Variants in PLAAT2 observed in about 807,000 individuals in gnomAD.
The protein encoded by PLAAT2 is phospholipase A and acyltransferase 2, also known as HRAS like suppressor 2.
In PLAAT2, 12 loss-of-function variants were observed where a neutral mutation model predicts 12.8. The observed-to-expected ratio is 0.94, with a 90% confidence interval of 0.60 to 1.52. PLAAT2 has a LOEUF of 1.52. Ranked by LOEUF, PLAAT2 falls within the 40% of genes most tolerant of loss-of-function variation. The pLI is 0.00. For synonymous variants in PLAAT2, 79 were observed against 86.8 expected, an observed-to-expected ratio of 0.91 and a Z score of 0.50; for missense variants, 166 against 208.1, an observed-to-expected ratio of 0.80 and a Z score of 1.24.
Position 63,553,487 on chromosome 11 carries a change from C to CAA in PLAAT2, c.388-424_388-423dup, listed in dbSNP as rs113567936. 4.7e-4 allele frequency among the ~76,000 whole-genome samples: 59 copies of CAA among 125,866 alleles called. No homozygotes were observed. The East Asian group carries it at 7.6e-3, about 16-fold the overall frequency. 82.6% of individuals were successfully genotyped at this position (125,866 alleles called of 152,430 possible). ...AGACCCCCATCTCTACAAAAAAATA[C>CAA]AAAAAAAAAAAAACAGCTGAGTCCA... On this transcript the variant is annotated intron_variant, in intron 3 of 3. Coordinates refer to ENST00000255695, the MANE Select transcript of PLAAT2 (RefSeq NM_017878.2).
chr11:63,553,288 C>T (rs1008749493), intron 3 of PLAAT2, among the ~76,000 whole-genome samples: 2 of 152,044 alleles, frequency 1.3e-5, no homozygotes, highest in African/African-American at 4.8e-5. Flanking sequence ...AAGAATGAAG[C>T]CATAGGCGTG....
At chr11:63,555,590 G>A (rs2017459752) in intron 3 of PLAAT2, among the ~76,000 whole-genome samples, 1 of 152,176 alleles carries the variant, frequency 6.6e-6, no homozygotes, top group Admixed American at 6.5e-5. Context: ...TACTCAGGAG[G>A]CTGAGGTGGG....
At chr11:63,555,036 G>A (rs1040568576) in intron 3 of PLAAT2, among the ~76,000 whole-genome samples, 1 of 152,184 alleles carries the variant, frequency 6.6e-6, no homozygotes, top group Non-Finnish European at 1.5e-5. Context: ...ACGGGTGAGC[G>A]AGGGCTCATA....
intron 1 of PLAAT2, among the ~76,000 whole-genome samples, chr11:63,560,897 A>C (rs919203272): frequency 2.0e-5 from 3 of 152,224 alleles, no homozygotes; most frequent in African/African-American, 7.2e-5. Flanking sequence ...AAGGGATGGC[A>C]GGGTGTGTTT....
chr11:63,556,970 A>G (rs78197419), intron 3 of PLAAT2, among the ~76,000 whole-genome samples: 3,545 of 152,262 alleles, frequency 0.023, 145 homozygotes, highest in African/African-American at 0.081. Flanking sequence ...AAAAATTGTC[A>G]GTTTTTTTCT....
chr11:63,563,325 C>A lies in PLAAT2; in HGVS notation c.-1G>T. ...GTTTCTGGGGACTTACCAAAGCCAT[C>A]CTTCCTTCAAGATGATGTCTTGTGT... On this transcript the variant is annotated 5_prime_UTR_variant, in exon 1 of 4. Transcript: ENST00000255695. 1 of 1,614,136 alleles carries A rather than the reference C, an allele frequency of 6.2e-7. No individual in the cohort carries two copies. Among genetic ancestry groups the A allele is most frequent in the African/African-American group, 1.3e-5 (1 of 75,026 alleles).
chr11:63,556,344 G>T (rs541293227), intron 3 of PLAAT2, among the ~76,000 whole-genome samples: 2 of 152,246 alleles, frequency 1.3e-5, no homozygotes, highest in African/African-American at 4.8e-5. Flanking sequence ...CCATTGGCTT[G>T]AGTTCTGACC....
chr11:63,557,398 A>G (rs908992746), intron 3 of PLAAT2, among the ~76,000 whole-genome samples: 4 of 152,016 alleles, frequency 2.6e-5, no homozygotes, highest in Non-Finnish European at 4.4e-5. Context: ...ATAGTGGCAC[A>G]TTCCTGTAGT....
At chr11:63,559,813 A>C (rs1441715050) in intron 2 of PLAAT2, among the ~76,000 whole-genome samples, 2 of 152,158 alleles carry the variant, frequency 1.3e-5, no homozygotes, top group African/African-American at 4.8e-5. Context: ...AATACATAGG[A>C]GATCCCACGG....
At chr11:63,563,815 G>A (rs576995307), upstream of PLAAT2, among the ~76,000 whole-genome samples, 15 of 151,850 alleles carry the variant, frequency 9.9e-5, no homozygotes, top group Admixed American at 2.0e-4. Flanking sequence ...TAGGCAAGGC[G>A]GCATGAAAAT....
chr11:63,558,736 C>G (rs2017492139), intron 2 of PLAAT2, 76 bp from the exon 3 acceptor site: 12 of 1,538,652 alleles, frequency 7.8e-6, no homozygotes, highest in Non-Finnish European at 1.1e-5. Flanking sequence ...CTCATCGCCC[C>G]GAGCACCATC....
rs760653150 is a variant in PLAAT2, at chr11:63,560,122, G to C, written c.81C>G (p.Tyr27Ter). ...GATGGACCACATAGCCATCTCCCAC[G>C]TAGATGGCCCAGTGTGCATAGCCAA... ...SRFGYAHWAIYVGDGYVVHLA... is the reference protein window; with the variant it reads ...SRFGYAHWAI The change falls in exon 2 of 4, where the codon TAC becomes TAG. Residue 27 changes from tyrosine (Y) to a stop codon, truncating the protein, a stop_gained. Coordinates refer to ENST00000255695, the MANE Select transcript of PLAAT2 (RefSeq NM_017878.2). LOFTEE classifies it high-confidence loss of function. The C allele has an allele frequency of 6.2e-7, 1 of 1,613,438 alleles. No individual in the cohort carries two copies. The highest frequency in any genetic ancestry group is 8.5e-7 in the Non-Finnish European group (1 of 1,179,596).
chr11:63,553,163 G>A, intron 3 of PLAAT2, 98 bp from the exon 4 acceptor site: 1 of 715,980 alleles, frequency 1.4e-6, no homozygotes, highest in South Asian at 1.7e-5. Context: ...ATCTGGCCCA[G>A]TCCTCTTCAT....
At position 63,557,532 on chromosome 11, in the gene PLAAT2, C is replaced by CA. The variant is rs576254760; in HGVS notation, c.387+859dup. On this transcript the variant is annotated intron_variant, in intron 3 of 3. Coordinates refer to ENST00000255695, the MANE Select transcript of PLAAT2 (RefSeq NM_017878.2). ...TGGGTGACAGAGTGAGACTCTGTAT[C>CA]AAAAAAAAAAAAGTTTGTGAGACCC... is the stretch of plus-strand genomic sequence containing the variant. 3.0e-3 allele frequency among the ~76,000 whole-genome samples: 418 copies of CA among 141,692 alleles called. 1 individual carries two copies. The highest frequency in any genetic ancestry group is 8.8e-3 in the African/African-American group (341 of 38,798). The allele number at this position is 141,692 out of a possible 152,430, so 93.0% of individuals were successfully genotyped here.
chr11:63,559,933 G>T, intron 2 of PLAAT2, 152 bp downstream of exon 2: 1 of 578,676 alleles, frequency 1.7e-6, no homozygotes, highest in Non-Finnish European at 3.1e-6. Flanking sequence ...AATAGCAGTT[G>T]CTACATCTAG....
chr11:63,553,282 A>C (rs1212817849), intron 3 of PLAAT2, among the ~76,000 whole-genome samples: 4 of 152,176 alleles, frequency 2.6e-5, no homozygotes, highest in African/African-American at 9.7e-5. Flanking sequence ...GAATGGAAGA[A>C]TGAAGCCATA....
intron 1 of PLAAT2, among the ~76,000 whole-genome samples, chr11:63,560,453 A>C (rs1323363356): frequency 1.3e-5 from 2 of 152,216 alleles, no homozygotes; most frequent in Non-Finnish European, 2.9e-5. Flanking sequence ...CATGTGCAGC[A>C]CAGGAGTGTG....
upstream of PLAAT2, among the ~76,000 whole-genome samples, chr11:63,564,307 G>C (rs2017544974): frequency 7.3e-6 from 1 of 136,442 alleles, no homozygotes; most frequent in Middle Eastern, 3.7e-3. Context: ...TCTCACCCAA[G>C]CTCCAAATAA....
chr11:63,555,155 A>G (rs1304350672), intron 3 of PLAAT2, among the ~76,000 whole-genome samples: 1 of 152,116 alleles, frequency 6.6e-6, no homozygotes, highest in African/African-American at 2.4e-5. Context: ...CCTCCCACGG[A>G]TATTGGGGAC....
Sources: allele counts gnomAD v4.1 joint callset (sites outside exome capture counted in the v4.1 genomes callset), GRCh38; gene constraint gnomAD v4.1.1; transcripts MANE v1.5; gene names NCBI Gene and HGNC (gene_info 2026-07-23, HGNC 2026-07-21).